The following CADPS2 variants were observed in gnomAD, a reference collection of about 807,000 sequenced individuals.
CADPS2 encodes calcium dependent secretion activator 2, also known as calcium-dependent secretion activator 2.
In CADPS2, 93 loss-of-function variants were observed where a neutral mutation model predicts 172.5. The observed-to-expected ratio is 0.54, with a 90% confidence interval of 0.46 to 0.64. CADPS2 has a LOEUF of 0.64. Ranked by LOEUF, CADPS2 falls within the 30% of genes least tolerant of loss-of-function variation. The pLI, the probability that CADPS2 is intolerant of heterozygous loss-of-function variation, is 0.00. For synonymous variants in CADPS2, 546 were observed against 555.2 expected (o/e 0.98, Z 0.23); for missense variants, 1,420 against 1,565.9 (o/e 0.91, Z 1.57).
chr7:122,677,477 T>C (rs558016208), intron 2 of CADPS2, among the ~76,000 whole-genome samples: 324 of 152,314 alleles, frequency 2.1e-3, no homozygotes, highest in Non-Finnish European at 3.2e-3. Flanking sequence ...GCCTGGAAAG[T>C]GCTCTGGTCT....
intron 2 of CADPS2, among the ~76,000 whole-genome samples, chr7:122,718,035 G>A (rs2089890988): frequency 9.1e-6 from 1 of 109,502 alleles, no homozygotes; most frequent in Non-Finnish European, 1.7e-5. Flanking sequence ...TCTCTATATT[G>A]CCCAGACTGG....
intron 1 of CADPS2, among the ~76,000 whole-genome samples, chr7:122,872,286 T>C (rs939358237): frequency 6.6e-6 from 1 of 152,144 alleles, no homozygotes; most frequent in African/African-American, 2.4e-5. Context: ...CACAATTTAA[T>C]CATGTAACTT....
chr7:122,633,423 T>C (rs779088554), intron 3 of CADPS2, among the ~76,000 whole-genome samples: 3 of 152,160 alleles, frequency 2.0e-5, no homozygotes, highest in Non-Finnish European at 2.9e-5. Context: ...ATTGGTTAGA[T>C]GTATTCCTGG....
At chr7:122,571,322 A>T (rs1563738387) in intron 7 of CADPS2, among the ~76,000 whole-genome samples, 1 of 152,186 alleles carries the variant, frequency 6.6e-6, no homozygotes, top group Admixed American at 6.6e-5. Flanking sequence ...GCATTAGTAC[A>T]GTGTACATGT....
intron 8 of CADPS2, among the ~76,000 whole-genome samples, chr7:122,518,899 T>A (rs2060576879): frequency 6.6e-6 from 1 of 152,110 alleles, no homozygotes; most frequent in South Asian, 2.1e-4. Context: ...ATTTTGTGTG[T>A]GTGTCTGAGG....
In CADPS2 at chr7:122,437,885, C is replaced by T. The variant is rs917045289; in HGVS notation, c.2476+456G>A. On this transcript the variant is annotated intron_variant, in intron 17 of 29. Coordinates refer to ENST00000449022, the MANE Select transcript of CADPS2 (RefSeq NM_017954.11). ...CAGTACATTGCAAGCAATTAAAAACCGAAGGAAGTTCTATGAGTTTATTTC... is the reference window on the plus strand; with the variant it reads ...CAGTACATTGCAAGCAATTAAAAACTGAAGGAAGTTCTATGAGTTTATTTC... Among the ~76,000 whole-genome samples, 11 of 151,546 alleles carry T rather than the reference C, an allele frequency of 7.3e-5. No individual in the cohort carries two copies. In the South Asian group the frequency reaches 1.3e-3, roughly 17 times the overall value.
chr7:122,453,984 T>A (rs2053452422), intron 14 of CADPS2, among the ~76,000 whole-genome samples: 1 of 152,170 alleles, frequency 6.6e-6, no homozygotes, highest in Non-Finnish European at 1.5e-5. Context: ...CCTTTACACA[T>A]CCTTATTTTA....
At position 122,346,359 on chromosome 7, in the gene CADPS2, C is replaced by A. The variant is rs2037661135; in HGVS notation, c.3505-678G>T. The stretch of plus-strand genomic sequence containing the variant: ...CTCCAGCCTGGGCAACAGAGCCAGA[C>A]CCTGTCTCAAACAAACAAATGAAAC... On this transcript the variant is annotated intron_variant, in intron 27 of 29. Transcript: ENST00000449022. 4.6e-5 allele frequency among the ~76,000 whole-genome samples: 7 copies of A among 152,132 alleles called. No homozygotes were observed. The South Asian group carries it at 1.4e-3, about 31-fold the overall frequency.
chr7:122,718,287 A>AT (rs1294172056), intron 2 of CADPS2, among the ~76,000 whole-genome samples: 1 of 152,034 alleles, frequency 6.6e-6, no homozygotes, highest in Non-Finnish European at 1.5e-5. Flanking sequence ...ATATTCCTAT[A>AT]TATCTGGAAA....
At chr7:122,392,381 TCAATA>T (rs2044481965) in intron 22 of CADPS2, among the ~76,000 whole-genome samples, 1 of 150,740 alleles carries the variant, frequency 6.6e-6, no homozygotes, top group African/African-American at 2.5e-5. Context: ...AGGATATGCC[TCAATA>T]CAGTTTTTTT....
intron 3 of CADPS2, among the ~76,000 whole-genome samples, chr7:122,641,952 C>T (rs1395122047): frequency 6.6e-6 from 1 of 151,556 alleles, no homozygotes; most frequent in Non-Finnish European, 1.5e-5. Flanking sequence ...ATGATAGCAT[C>T]AGGATGGATT....
intron 9 of CADPS2, among the ~76,000 whole-genome samples, chr7:122,505,274 T>G (rs2130602766): frequency 6.6e-6 from 1 of 152,338 alleles, no homozygotes; most frequent in South Asian, 2.1e-4. Flanking sequence ...TGCATTTTTC[T>G]TCACATAACC....
At position 122,474,529 on chromosome 7, in the gene CADPS2, G is replaced by A. The variant is rs912724103; in HGVS notation, c.1862-12C>T. The stretch of plus-strand genomic sequence containing the variant: ...AAAACGATCTGCATCTGTAAATTCA[G>A]GAAAGCATGTACAGTATATTTACTT... On this transcript the variant is annotated splice_polypyrimidine_tract_variant and intron_variant, in intron 12 of 29. Transcript: ENST00000449022. The A allele has an allele frequency of 1.9e-6, 3 of 1,609,982 alleles. No homozygotes were observed. In the African/African-American group the frequency reaches 4.0e-5, roughly 22 times the overall value.
intron 8 of CADPS2, among the ~76,000 whole-genome samples, chr7:122,539,767 G>T (rs1013305321): frequency 7.0e-4 from 46 of 65,788 alleles, no homozygotes; most frequent in African/African-American, 3.4e-3. Context: ...CTCTGTCTCT[G>T]TCTCTCTCTT....
intron 1 of CADPS2, among the ~76,000 whole-genome samples, chr7:122,872,606 G>C (rs1336387307): frequency 6.6e-6 from 1 of 151,904 alleles, no homozygotes; most frequent in Non-Finnish European, 1.5e-5. Context: ...TTTTTCTTAT[G>C]ATATTCAGCA....
intron 20 of CADPS2, among the ~76,000 whole-genome samples, chr7:122,394,632 T>C (rs2044819250): frequency 6.6e-6 from 1 of 151,094 alleles, no homozygotes; most frequent in African/African-American, 2.4e-5. Flanking sequence ...AAACAAGTTT[T>C]GGGAAGGAAT....
chr7:122,503,654 C>A (rs1037252965), intron 9 of CADPS2, among the ~76,000 whole-genome samples: 3 of 152,044 alleles, frequency 2.0e-5, no homozygotes, highest in African/African-American at 7.2e-5. Context: ...AATTTAGTTT[C>A]TTGTGTATTT....
At chr7:122,611,117 A>G (rs1349605609) in intron 6 of CADPS2, among the ~76,000 whole-genome samples, 1 of 152,168 alleles carries the variant, frequency 6.6e-6, no homozygotes, top group Non-Finnish European at 1.5e-5. Flanking sequence ...AGAAAAAAGA[A>G]AGATCTCAAA....
At chr7:122,370,852 T>C (rs1304624952) in intron 25 of CADPS2, among the ~76,000 whole-genome samples, 1 of 152,142 alleles carries the variant, frequency 6.6e-6, no homozygotes, top group Admixed American at 6.5e-5. Flanking sequence ...GAGAGTGTTA[T>C]GGGGACAAGA....
Sources: gnomAD v4.1 joint callset for allele counts (sites outside exome capture counted in the v4.1 genomes callset) on GRCh38, gnomAD v4.1.1 for gene constraint, MANE v1.5 for transcripts, NCBI Gene and HGNC (gene_info 2026-07-23, HGNC 2026-07-21) for gene names.